The following PRKCE variants were observed in gnomAD, a reference collection of about 807,000 sequenced individuals.
PRKCE encodes protein kinase C epsilon type.
PRKCE carries 16 observed loss-of-function variants against 85.4 expected under a neutral mutation model. That is an observed-to-expected ratio of 0.19 (90% CI 0.13 to 0.28). The LOEUF (loss-of-function observed/expected upper bound fraction) is 0.28. Ranked by LOEUF, PRKCE falls within the 10% of genes least tolerant of loss-of-function variation. PRKCE has a pLI of 1.00. For missense variants in PRKCE, 573 were observed against 975.2 expected (o/e 0.59, Z 5.49); for synonymous variants, 388 against 371.5 (o/e 1.04, Z -0.51).
At chr2:46,006,612 C>T (rs906159650) in intron 8 of PRKCE, among the ~76,000 whole-genome samples, 9 of 152,218 alleles carry the variant, frequency 5.9e-5, no homozygotes, top group Non-Finnish European at 8.8e-5. Flanking sequence ...CATTTAAAAT[C>T]GGATTTTGCT....
rs143825690 is a variant in PRKCE, at chr2:46,147,536, A to G, written c.1731+2305A>G. Among the ~76,000 whole-genome samples, 79 of 152,370 alleles carry G rather than the reference A, an allele frequency of 5.2e-4. 3 individuals carry two copies. In the Middle Eastern group the frequency reaches 0.01, roughly 20 times the overall value. On this transcript the variant is annotated intron_variant, in intron 12 of 14. Coordinates refer to ENST00000306156, the MANE Select transcript of PRKCE (RefSeq NM_005400.3). ...TGAACAACTCTGATCTCTGTTCACA[A>G]TGAAGCACAGACACTCTTCCTTCCT...
chr2:45,962,758 G>A (rs2104433338), intron 2 of PRKCE, among the ~76,000 whole-genome samples: 1 of 152,322 alleles, frequency 6.6e-6, no homozygotes, highest in Non-Finnish European at 1.5e-5. Flanking sequence ...CCTGGGAGAA[G>A]TGCCAGCAGC....
Position 46,060,899 on chromosome 2 carries a change from C to T in PRKCE, c.1438-25309C>T, listed in dbSNP as rs1047172562. Reference sequence around the variant, plus strand: ...GCCTCAGCCTCCTGAGTAGCTGGGACCGCAGGCGCACGCCACCACACCTGG... The same window carrying T: ...GCCTCAGCCTCCTGAGTAGCTGGGATCGCAGGCGCACGCCACCACACCTGG... On this transcript the variant is annotated intron_variant, in intron 10 of 14. Transcript: ENST00000306156. 8.6e-5 allele frequency among the ~76,000 whole-genome samples: 13 copies of T among 151,518 alleles called. 1 individual carries two copies. The highest frequency in any genetic ancestry group is 2.7e-4 in the African/African-American group (11 of 41,230).
rs150153993 is a variant in PRKCE at position 45,954,423 on chromosome 2, T to G, written c.413-22006T>G. 3.9e-5 allele frequency among the ~76,000 whole-genome samples: 6 copies of G among 152,222 alleles called. No individual in the cohort carries two copies. In the East Asian group the frequency reaches 1.2e-3, roughly 29 times the overall value. ...TTTATTGTAAAATAAGCAAAGAACA[T>G]GTAAGGAAATGTGATATGAGACTCT... On this transcript the variant is annotated intron_variant, in intron 2 of 14. Coordinates refer to ENST00000306156, the MANE Select transcript of PRKCE (RefSeq NM_005400.3).
At chr2:46,052,809 A>G (rs1208328731) in intron 10 of PRKCE, among the ~76,000 whole-genome samples, 2 of 152,246 alleles carry the variant, frequency 1.3e-5, no homozygotes. Flanking sequence ...CAGGACATAT[A>G]GGTCAACAGA....
intron 14 of PRKCE, among the ~76,000 whole-genome samples, chr2:46,161,092 C>T (rs772699103): frequency 3.9e-5 from 6 of 152,230 alleles, no homozygotes; most frequent in African/African-American, 1.4e-4. Flanking sequence ...TCCACCACAG[C>T]TCCAGGCCCA....
chr2:45,786,903 C>T lies in PRKCE; in HGVS notation c.349-56097C>T, dbSNP rs759104226. 5.3e-5 allele frequency among the ~76,000 whole-genome samples: 8 copies of T among 152,218 alleles called. No individual in the cohort carries two copies. The highest frequency in any genetic ancestry group is 1.0e-4 in the Non-Finnish European group (7 of 68,040). On this transcript the variant is annotated intron_variant, in intron 1 of 14. Coordinates refer to ENST00000306156, the MANE Select transcript of PRKCE (RefSeq NM_005400.3). The surrounding 1 kb of genome is among the most constrained non-coding windows in gnomAD (Gnocchi z 5.3). ...GATGCGATTCAAACCCTAGGGAATA[C>T]GATTCCAGAACCTCACTGTTAACCA...
intron 11 of PRKCE, among the ~76,000 whole-genome samples, chr2:46,123,326 T>C (rs963683679): frequency 4.7e-5 from 7 of 147,402 alleles, no homozygotes; most frequent in South Asian, 2.1e-4. Context: ...TTCCCTGCAA[T>C]TGTGGGGCAG....
At chr2:45,684,627 C>G (rs963379828) in intron 1 of PRKCE, among the ~76,000 whole-genome samples, 1 of 152,212 alleles carries the variant, frequency 6.6e-6, no homozygotes, top group Non-Finnish European at 1.5e-5. Flanking sequence ...ACCTACAGGG[C>G]TAAGCTGAGT....
At chr2:45,781,126 A>G (rs1161146568) in intron 1 of PRKCE, among the ~76,000 whole-genome samples, 1 of 152,022 alleles carries the variant, frequency 6.6e-6, no homozygotes, top group Non-Finnish European at 1.5e-5. Context: ...TGAGCCCAGG[A>G]GTTCAAGACC....
In PRKCE at chr2:46,004,872, A is replaced by G. The variant is rs1211128007; in HGVS notation, c.1063+234A>G. On this transcript the variant is annotated intron_variant, in intron 8 of 14. Transcript: ENST00000306156. This position sits in a 1 kb window ranked among gnomAD's most constrained non-coding sequence, Gnocchi z 4.1. ...CCTTAATTTCCTTCCAGGCCAGGGT[A>G]AGAGGAGAGCGAGTGTATGATGTTA... 6.6e-6 allele frequency among the ~76,000 whole-genome samples: 1 copy of G among 152,114 alleles called. No homozygotes were observed. The highest frequency in any genetic ancestry group is 1.5e-5 in the Non-Finnish European group (1 of 68,020).
chr2:45,802,411 A>G (rs1428432406), intron 1 of PRKCE, among the ~76,000 whole-genome samples: 25 of 152,118 alleles, frequency 1.6e-4, no homozygotes. Context: ...TTCTTTATTA[A>G]TGATGCATAA....
At chr2:45,996,678 G>T (rs1243157579) in intron 6 of PRKCE, among the ~76,000 whole-genome samples, 1 of 152,064 alleles carries the variant, frequency 6.6e-6, no homozygotes, top group East Asian at 1.9e-4. Context: ...TTGCTTGCCT[G>T]GGATAAATCC....
intron 14 of PRKCE, among the ~76,000 whole-genome samples, chr2:46,165,149 C>G (rs898137579): frequency 7.9e-5 from 12 of 152,206 alleles, no homozygotes; most frequent in Non-Finnish European, 1.6e-4. Context: ...GGCCAACATC[C>G]CTTTGTACTA....
At chr2:45,975,200 G>A (rs1454121289) in intron 2 of PRKCE, among the ~76,000 whole-genome samples, 5 of 152,164 alleles carry the variant, frequency 3.3e-5, no homozygotes, top group South Asian at 2.1e-4. Context: ...GAGTTGTTTC[G>A]AGGGTTCATT....
At chr2:45,873,588 G>A (rs575397004) in intron 2 of PRKCE, among the ~76,000 whole-genome samples, 2 of 152,198 alleles carry the variant, frequency 1.3e-5, no homozygotes, top group Non-Finnish European at 2.9e-5. Flanking sequence ...GTAGAATCCT[G>A]TATTCCTTTT....
At chr2:45,678,176 T>C (rs1285514403) in intron 1 of PRKCE, among the ~76,000 whole-genome samples, 3 of 152,244 alleles carry the variant, frequency 2.0e-5, no homozygotes, top group Non-Finnish European at 2.9e-5. Context: ...TGTTGAAATT[T>C]TGGGTTTTCT....
At chr2:45,658,105 C>G (rs1675463588) in intron 1 of PRKCE, among the ~76,000 whole-genome samples, 1 of 152,142 alleles carries the variant, frequency 6.6e-6, no homozygotes, top group Admixed American at 6.5e-5. Context: ...GAAGGGACTA[C>G]TAAGGGGGTA....
intron 2 of PRKCE, among the ~76,000 whole-genome samples, chr2:45,952,303 T>G (rs1391029053): frequency 6.6e-6 from 1 of 152,188 alleles, no homozygotes; most frequent in African/African-American, 2.4e-5. Flanking sequence ...ATATACACAT[T>G]TCATTACACC....
Sources: gnomAD v4.1 joint callset for allele counts (sites outside exome capture counted in the v4.1 genomes callset) on GRCh38, gnomAD v4.1.1 for gene constraint, Gnocchi (gnomAD v3.1) non-coding constraint, MANE v1.5 for transcripts, NCBI Gene and HGNC (gene_info 2026-07-23, HGNC 2026-07-21) for gene names.